The following DCDC1 variants were observed in gnomAD, a reference collection of about 807,000 sequenced individuals.
DCDC1 encodes the protein doublecortin domain-containing protein 1.
DCDC1 carries 200 observed loss-of-function variants against 178.3 expected under a neutral mutation model. That is an observed-to-expected ratio of 1.12 (90% confidence interval 1.00 to 1.26). DCDC1 has a LOEUF of 1.26. DCDC1 is among the 50% of genes most tolerant of loss of function. The probability of loss-of-function intolerance (pLI) is 0.00; values close to 1 mark genes in which losing one functional copy is unlikely to be tolerated. For missense variants in DCDC1, 1,983 were observed against 1,749.2 expected (o/e 1.13, Z -2.38); for synonymous variants, 690 against 604.8 (o/e 1.14, Z -2.07).
chr11:31,255,420 T>C (rs943850475), intron 8 of DCDC1, among the ~76,000 whole-genome samples: 4 of 152,190 alleles, frequency 2.6e-5, no homozygotes, highest in Admixed American at 2.6e-4. Flanking sequence ...CCACAAGCAA[T>C]GTGTGAGGGT....
chr11:31,024,832 C>T (rs1953118887), intron 20 of DCDC1, among the ~76,000 whole-genome samples: 1 of 151,894 alleles, frequency 6.6e-6, no homozygotes, highest in African/African-American at 2.4e-5. Flanking sequence ...TTTAGTGTTT[C>T]ATAATATTTC....
chr11:31,101,853 G>A (rs1958525031), intron 15 of DCDC1, among the ~76,000 whole-genome samples: 1 of 152,166 alleles, frequency 6.6e-6, no homozygotes, highest in African/African-American at 2.4e-5. Flanking sequence ...GAGGTGGACG[G>A]ATCACTTGAA....
intron 9 of DCDC1, among the ~76,000 whole-genome samples, chr11:31,200,757 A>G (rs1259409726): frequency 6.6e-6 from 1 of 151,956 alleles, no homozygotes; most frequent in African/African-American, 2.4e-5. Context: ...AAAATCAGTA[A>G]AATTTATTGA....
rs182154344 is a variant in DCDC1 at position 31,259,077 on chromosome 11, G to A, written c.1054+6430C>T. On this transcript the variant is annotated intron_variant, in intron 8 of 38. Transcript: ENST00000684477. The stretch of plus-strand genomic sequence containing the variant: ...CTCTCACTCTCGGTTCCCTAAGAGC[G>A]CGGTGGCTCACGTCTGAAATCCCAG... 2.6e-4 allele frequency among the ~76,000 whole-genome samples: 40 copies of A among 152,214 alleles called. No homozygotes were observed. The East Asian group carries it at 7.2e-3, about 27-fold the overall frequency.
intron 11 of DCDC1, among the ~76,000 whole-genome samples, chr11:31,114,761 C>T (rs754589558): frequency 7.2e-5 from 11 of 152,010 alleles, no homozygotes; most frequent in Non-Finnish European, 1.2e-4. Flanking sequence ...GAATCACTGC[C>T]GGGTTTGGAA....
intron 12 of DCDC1, among the ~76,000 whole-genome samples, chr11:31,108,589 A>C (rs1177496844): frequency 6.6e-6 from 1 of 152,224 alleles, no homozygotes; most frequent in East Asian, 1.9e-4. Flanking sequence ...TGATCCAGGA[A>C]GGAAATGTGT....
intron 21 of DCDC1, among the ~76,000 whole-genome samples, chr11:30,942,314 T>C (rs997661083): frequency 6.6e-6 from 1 of 152,216 alleles, no homozygotes; most frequent in African/African-American, 2.4e-5. Context: ...GTAACTATTC[T>C]ATAGCGGAGA....
chr11:31,012,474 T>C (rs1221757391), intron 20 of DCDC1, among the ~76,000 whole-genome samples: 5 of 151,712 alleles, frequency 3.3e-5, no homozygotes, highest in African/African-American at 7.3e-5. Context: ...GGCATGGTGG[T>C]ATGTGCCTGT....
rs762758433 is a variant in DCDC1, at chr11:30,909,111, A to G, written c.3753T>C (p.Tyr1251=). Residue 1251 remains tyrosine (Y), a synonymous_variant, in exon 29 of 39, where the codon TAT becomes TAC. Coordinates refer to ENST00000684477, the MANE Select transcript of DCDC1 (RefSeq NM_001387274.1). ...VCGYPVIVQK[Y]KPYNNGAANQ... The stretch of plus-strand genomic sequence containing the variant: ...TGGCAGCTCCATTGTTGTACGGCTT[A>G]TATTTCTGAAAAAAGAGGCAAAATA... 1.2e-6 allele frequency: 2 copies of G among 1,602,476 alleles called. No individual in the cohort carries two copies. Among genetic ancestry groups the G allele is most frequent in the Admixed American group, 1.7e-5 (1 of 59,336 alleles).
chr11:30,984,276 T>A (rs1259753748), intron 20 of DCDC1, among the ~76,000 whole-genome samples: 1 of 152,032 alleles, frequency 6.6e-6, no homozygotes, highest in East Asian at 1.9e-4. Flanking sequence ...TACAGAACTG[T>A]GTCACTGGGC....
chr11:31,107,952 CTTTCT>C (rs904480096), intron 12 of DCDC1, among the ~76,000 whole-genome samples: 4 of 152,182 alleles, frequency 2.6e-5, no homozygotes, highest in Admixed American at 1.3e-4. Context: ...GTTCAGGGTC[CTTTCT>C]TTTCTTTTCT....
chr11:31,334,719 G>A (rs1246852119), intron 2 of DCDC1, among the ~76,000 whole-genome samples: 2 of 152,176 alleles, frequency 1.3e-5, no homozygotes, highest in Non-Finnish European at 2.9e-5. Context: ...AGAGGATGCA[G>A]AACAGCAAAT....
At chr11:31,094,303 CA>C (rs1243540164) in intron 15 of DCDC1, 119 bp from the exon 16 acceptor site, 7 of 630,534 alleles carry the variant, frequency 1.1e-5, no homozygotes. Flanking sequence ...TACCTCTTTT[CA>C]AAAAGTAGCA....
intron 9 of DCDC1, among the ~76,000 whole-genome samples, chr11:31,231,226 G>A (rs1240314586): frequency 6.6e-6 from 1 of 152,046 alleles, no homozygotes; most frequent in Non-Finnish European, 1.5e-5. Context: ...GCCTCCCAAA[G>A]TGCTAAGACA....
At chr11:31,089,136 G>C (rs987290345) in intron 17 of DCDC1, among the ~76,000 whole-genome samples, 5 of 152,138 alleles carry the variant, frequency 3.3e-5, no homozygotes, top group Non-Finnish European at 5.9e-5. Flanking sequence ...GAGTTCTTCA[G>C]TTTGTGAATA....
intron 20 of DCDC1, chr11:30,992,647 T>A (rs937493301): frequency 2.0e-5 from 3 of 152,114 alleles, no homozygotes; most frequent in Non-Finnish European, 4.4e-5. Context: ...ACTGTAAAGA[T>A]ACATGGAGAG....
intron 20 of DCDC1, among the ~76,000 whole-genome samples, chr11:30,955,278 C>T (rs1244225515): frequency 1.9e-4 from 29 of 152,174 alleles, no homozygotes; most frequent in Admixed American, 1.7e-3. Context: ...GATCCCCAGT[C>T]GCTTTGAAGC....
intron 6 of DCDC1, among the ~76,000 whole-genome samples, chr11:31,297,104 A>C (rs190398592): frequency 3.9e-5 from 6 of 152,296 alleles, no homozygotes; most frequent in Admixed American, 3.9e-4. Flanking sequence ...TATTACATCC[A>C]GAGGCAAGAA....
chr11:30,872,652 G>A (rs991646508), intron 38 of DCDC1, among the ~76,000 whole-genome samples: 6 of 151,928 alleles, frequency 3.9e-5, no homozygotes, highest in Admixed American at 6.6e-5. Flanking sequence ...CGTTCCCTAC[G>A]ACAACCCTCA....
Sources: allele counts gnomAD v4.1 joint callset (sites outside exome capture counted in the v4.1 genomes callset), GRCh38; gene constraint gnomAD v4.1.1; transcripts MANE v1.5; gene names NCBI Gene and HGNC (gene_info 2026-07-23, HGNC 2026-07-21).